Variants in HOMER2 observed in about 807,000 individuals in gnomAD.
HOMER2 encodes the protein homer protein homolog 2.
In HOMER2, 27 loss-of-function variants were observed where a neutral mutation model predicts 47.0. The observed-to-expected ratio is 0.57, with a 90% confidence interval of 0.42 to 0.79. The LOEUF (loss-of-function observed/expected upper bound fraction) is 0.79, where lower values mean the gene tolerates loss of function less well. Among genes scored for constraint, HOMER2 ranks in the 30% least tolerant of loss-of-function variants. HOMER2 has a pLI of 0.00. For missense variants in HOMER2, 443 were observed against 435.0 expected (o/e 1.02, Z -0.16); for synonymous variants, 161 against 163.8 (o/e 0.98, Z 0.13).
chr15:82,982,567 T>C (rs1275224091), intron 1 of HOMER2, among the ~76,000 whole-genome samples: 1 of 152,150 alleles, frequency 6.6e-6, no homozygotes, highest in Non-Finnish European at 1.5e-5. Flanking sequence ...AAATCTGAAA[T>C]CCAAAATGCT....
intron 1 of HOMER2, among the ~76,000 whole-genome samples, chr15:82,950,940 G>C (rs1313440767): frequency 6.6e-6 from 1 of 152,166 alleles, no homozygotes. Context: ...GTGTTGGCCA[G>C]GGGGAGGGAG....
At chr15:82,872,470 C>T (rs192071438) in intron 3 of HOMER2, among the ~76,000 whole-genome samples, 3 of 152,172 alleles carry the variant, frequency 2.0e-5, no homozygotes, top group Non-Finnish European at 4.4e-5. Flanking sequence ...ACAATCTAAT[C>T]TGACTTGCTG....
chr15:82,851,143 C>T lies in HOMER2; in HGVS notation c.843+8G>A. 1.3e-6 allele frequency: 2 copies of T among 1,571,476 alleles called. No homozygotes were observed. Among genetic ancestry groups the T allele is most frequent in the East Asian group, 4.6e-5 (2 of 43,608 alleles). On this transcript the variant is annotated splice_region_variant and intron_variant, in intron 8 of 8. Coordinates refer to ENST00000450735, the MANE Select transcript of HOMER2 (RefSeq NM_004839.4). ...GAGCCAGGATGGCTGTGCCCCCAACCCACGTACCTCTAGCTTCTCAGAGAC... is the reference window on the plus strand; with the variant it reads ...GAGCCAGGATGGCTGTGCCCCCAACTCACGTACCTCTAGCTTCTCAGAGAC...
chr15:82,979,399 G>A (rs1047759065), intron 1 of HOMER2, among the ~76,000 whole-genome samples: 1 of 152,096 alleles, frequency 6.6e-6, no homozygotes, highest in African/African-American at 2.4e-5. Flanking sequence ...ATATAATCAA[G>A]CTACTCTGAG....
At chr15:82,911,613 A>G (rs780392827) in intron 1 of HOMER2, among the ~76,000 whole-genome samples, 2 of 152,236 alleles carry the variant, frequency 1.3e-5, no homozygotes, top group Non-Finnish European at 2.9e-5. Context: ...CATTTACACT[A>G]TCAGTTGGTC....
Position 82,913,229 on chromosome 15 carries a change from G to A in HOMER2, c.6-20388C>T, listed in dbSNP as rs2053495990. ...GATGGAGTTAAAGCTCAGCATCCCTGTGCCCTGGAGAGGGTGGTTATGGCA... is the reference window on the plus strand; with the variant it reads ...GATGGAGTTAAAGCTCAGCATCCCTATGCCCTGGAGAGGGTGGTTATGGCA... On this transcript the variant is annotated intron_variant, in intron 1 of 8. Coordinates refer to ENST00000450735, the MANE Select transcript of HOMER2 (RefSeq NM_004839.4). The surrounding 1 kb of genome is among the most constrained non-coding windows in gnomAD (Gnocchi z 4.1). Among the ~76,000 whole-genome samples, 1 of 152,108 alleles carries A rather than the reference G, an allele frequency of 6.6e-6. No individual in the cohort carries two copies.
chr15:82,894,110 T>G (rs957398812), intron 1 of HOMER2, among the ~76,000 whole-genome samples: 1 of 152,236 alleles, frequency 6.6e-6, no homozygotes, highest in Non-Finnish European at 1.5e-5. Context: ...GCCTCTATAT[T>G]GTTGCTTTTT....
At chr15:82,882,090 T>C (rs1231136896) in intron 2 of HOMER2, among the ~76,000 whole-genome samples, 1 of 152,242 alleles carries the variant, frequency 6.6e-6, no homozygotes, top group African/African-American at 2.4e-5. Context: ...AAACTCACCA[T>C]AAATCACATG....
rs190424028 is a variant in HOMER2, at chr15:82,963,020, C to T, written n.83-3712G>A. Among the ~76,000 whole-genome samples the T allele has an allele frequency of 1.1e-4, 16 of 152,294 alleles. No homozygotes were observed. The East Asian group carries it at 2.9e-3, about 28-fold the overall frequency. ...GCCGGCTGGGCACAGTAGCTCACACCTGTAATCCTAGCACTTTGGGAGGCT... is the reference window on the plus strand; with the variant it reads ...GCCGGCTGGGCACAGTAGCTCACACTTGTAATCCTAGCACTTTGGGAGGCT... On this transcript the variant is annotated intron_variant and non_coding_transcript_variant, in intron 1 of 1. Coordinates refer to the HOMER2 transcript ENST00000500334.
At chr15:82,871,799 C>G (rs933415384) in intron 3 of HOMER2, among the ~76,000 whole-genome samples, 1 of 152,228 alleles carries the variant, frequency 6.6e-6, no homozygotes, top group African/African-American at 2.4e-5. Context: ...CTTCAGTTCT[C>G]AGAGAGGCAC....
chr15:82,980,161 T>C (rs528988107), intron 1 of HOMER2, among the ~76,000 whole-genome samples: 13 of 152,256 alleles, frequency 8.5e-5, no homozygotes, highest in Admixed American at 7.8e-4. Context: ...TTTTTTGTTA[T>C]ATACCACTAA....
At chr15:82,893,650 A>T (rs2052801870) in intron 1 of HOMER2, among the ~76,000 whole-genome samples, 1 of 147,474 alleles carries the variant, frequency 6.8e-6, no homozygotes, top group Non-Finnish European at 1.5e-5. Context: ...TTTAAGAGAC[A>T]GTGTCTCACT....
intron 1 of HOMER2, among the ~76,000 whole-genome samples, chr15:82,931,874 A>C (rs1183023419): frequency 6.6e-6 from 1 of 152,200 alleles, no homozygotes; most frequent in African/African-American, 2.4e-5. Flanking sequence ...CAAAACTGAC[A>C]GAAGAAAAAG....
chr15:82,945,511 G>GGTA (rs76290257), intron 1 of HOMER2, among the ~76,000 whole-genome samples: 18 of 152,118 alleles, frequency 1.2e-4, no homozygotes, highest in African/African-American at 4.3e-4. Flanking sequence ...AAAGTACAAA[G>GGTA]GCAGACATTG....
chr15:82,858,712 CTCAA>C (rs1286451845), intron 5 of HOMER2, among the ~76,000 whole-genome samples: 3 of 151,862 alleles, frequency 2.0e-5, no homozygotes, highest in Non-Finnish European at 4.4e-5. Flanking sequence ...CACATGTACA[CTCAA>C]TCACACACAC....
chr15:82,939,984 G>T (rs371170692), intron 1 of HOMER2, among the ~76,000 whole-genome samples: 1 of 152,116 alleles, frequency 6.6e-6, no homozygotes, highest in African/African-American at 2.4e-5. Flanking sequence ...ACCAAACACC[G>T]CATGTTCTCA....
intron 1 of HOMER2, among the ~76,000 whole-genome samples, chr15:82,952,247 A>G (rs905918687): frequency 2.0e-5 from 3 of 152,220 alleles, no homozygotes; most frequent in African/African-American, 4.8e-5. Flanking sequence ...GAGGCCGGCC[A>G]GGGCACCGGT....
At chr15:82,965,940 A>G (rs767883506) in intron 1 of HOMER2, among the ~76,000 whole-genome samples, 5 of 152,126 alleles carry the variant, frequency 3.3e-5, no homozygotes, top group Non-Finnish European at 7.4e-5. Context: ...CAAAAAATAC[A>G]AAAATTAGCC....
chr15:82,927,265 A>T (rs1362698344), intron 1 of HOMER2, among the ~76,000 whole-genome samples: 1 of 148,550 alleles, frequency 6.7e-6, no homozygotes, highest in African/African-American at 2.6e-5. Context: ...CATTTAATGC[A>T]TGTCTCATTA....
Sources: gnomAD v4.1 joint callset for allele counts (sites outside exome capture counted in the v4.1 genomes callset) on GRCh38, gnomAD v4.1.1 for gene constraint, Gnocchi (gnomAD v3.1) non-coding constraint, MANE v1.5 for transcripts, NCBI Gene and HGNC (gene_info 2026-07-23, HGNC 2026-07-21) for gene names.